NTNG1: variants seen among roughly 807,000 people sequenced by gnomAD.
NTNG1 encodes the protein netrin-G1.
A neutral mutation model predicts 54.0 loss-of-function variants in NTNG1; 16 were observed. That is an observed-to-expected ratio of 0.30 (90% confidence interval 0.20 to 0.45). The LOEUF (loss-of-function observed/expected upper bound fraction) is 0.45, where lower values mean the gene tolerates loss of function less well. NTNG1 is among the 20% of genes least tolerant of loss of function. NTNG1 has a pLI of 1.00. For synonymous variants in NTNG1, 255 were observed against 263.1 expected (o/e 0.97, Z 0.30); for missense variants, 530 against 678.7 (o/e 0.78, Z 2.43).
At chr1:107,246,247 G>A (rs1662189562) in intron 2 of NTNG1, among the ~76,000 whole-genome samples, 2 of 152,074 alleles carry the variant, frequency 1.3e-5, no homozygotes, top group South Asian at 4.1e-4. Context: ...TAGAGACGGG[G>A]TTTCACCGTG....
intron 2 of NTNG1, among the ~76,000 whole-genome samples, chr1:107,170,326 T>C: frequency 6.6e-6 from 1 of 152,176 alleles, no homozygotes; most frequent in Admixed American, 6.6e-5. Flanking sequence ...TCTTTTTTTC[T>C]TGGGCCACAT....
At chr1:107,453,803 C>G (rs1187189950) in intron 7 of NTNG1, among the ~76,000 whole-genome samples, 2 of 152,148 alleles carry the variant, frequency 1.3e-5, no homozygotes, top group African/African-American at 2.4e-5. Context: ...ACATTTCACA[C>G]ATGTTACTTT....
intron 2 of NTNG1, among the ~76,000 whole-genome samples, chr1:107,310,714 G>T (rs1251514192): frequency 1.3e-5 from 2 of 152,036 alleles, no homozygotes; most frequent in South Asian, 2.1e-4. Context: ...AAAATCTTGG[G>T]GGGGAAAGAA....
chr1:107,174,960 G>C, intron 2 of NTNG1, among the ~76,000 whole-genome samples: 1 of 152,116 alleles, frequency 6.6e-6, no homozygotes, highest in South Asian at 2.1e-4. Context: ...CATGGTTTTC[G>C]TAATGTAAGT....
intron 2 of NTNG1, among the ~76,000 whole-genome samples, chr1:107,301,587 C>T (rs1666321444): frequency 6.6e-6 from 1 of 152,102 alleles, no homozygotes; most frequent in Admixed American, 6.6e-5. Context: ...CATTATAAAG[C>T]ATATCCTAAT....
intron 7 of NTNG1, among the ~76,000 whole-genome samples, chr1:107,463,264 A>G (rs970139459): frequency 2.0e-5 from 3 of 152,226 alleles, no homozygotes; most frequent in African/African-American, 7.2e-5. Context: ...TAAAGGTTGG[A>G]AATCACTGAA....
At chr1:107,467,669 A>C (rs1677695186) in intron 7 of NTNG1, among the ~76,000 whole-genome samples, 1 of 152,218 alleles carries the variant, frequency 6.6e-6, no homozygotes, top group South Asian at 2.1e-4. Flanking sequence ...TGTCTCAGGA[A>C]TTTGTAAGTG....
intron 3 of NTNG1, among the ~76,000 whole-genome samples, chr1:107,389,579 A>G (rs956958731): frequency 1.3e-4 from 20 of 152,176 alleles, no homozygotes; most frequent in Non-Finnish European, 2.6e-4. Context: ...GAAAGCGAGA[A>G]CACACTGGTG....
intron 7 of NTNG1, among the ~76,000 whole-genome samples, chr1:107,476,105 C>T (rs1321093470): frequency 1.3e-5 from 2 of 152,222 alleles, no homozygotes; most frequent in African/African-American, 4.8e-5. Flanking sequence ...CCCTTACTGT[C>T]ACACTTTTCC....
intron 5 of NTNG1, among the ~76,000 whole-genome samples, chr1:107,411,237 T>G (rs1183377943): frequency 2.6e-5 from 4 of 152,068 alleles, no homozygotes; most frequent in Admixed American, 2.6e-4. Context: ...TTAAGGGAAA[T>G]AGCTAATTGT....
At chr1:107,479,132 A>G (rs1678528342) in intron 7 of NTNG1, among the ~76,000 whole-genome samples, 1 of 152,212 alleles carries the variant, frequency 6.6e-6, no homozygotes, top group South Asian at 2.1e-4. Context: ...ATGCCAATAC[A>G]CTACGCAACC....
At chr1:107,355,051 A>G (rs1385627181) in intron 3 of NTNG1, among the ~76,000 whole-genome samples, 2 of 151,960 alleles carry the variant, frequency 1.3e-5, no homozygotes, top group Non-Finnish European at 2.9e-5. Context: ...TTATCATTGA[A>G]TTTTTCATTT....
chr1:107,265,682 A>T (rs1377435162), intron 2 of NTNG1, among the ~76,000 whole-genome samples: 1 of 152,232 alleles, frequency 6.6e-6, no homozygotes, highest in East Asian at 1.9e-4. Context: ...CAGTATAAGA[A>T]ATTGAAATTA....
chr1:107,180,150 T>C (rs1204746805), intron 2 of NTNG1, among the ~76,000 whole-genome samples: 2 of 152,186 alleles, frequency 1.3e-5, no homozygotes, highest in African/African-American at 4.8e-5. Flanking sequence ...TGCTTCTTTT[T>C]GCAAAGCCCA....
At chr1:107,141,611 A>T (rs1011930915) in intron 1 of NTNG1, among the ~76,000 whole-genome samples, 2 of 151,976 alleles carry the variant, frequency 1.3e-5, no homozygotes, top group African/African-American at 4.8e-5. Context: ...GGAACTTTGT[A>T]AAGCGCCCCG....
intron 2 of NTNG1, among the ~76,000 whole-genome samples, chr1:107,264,201 C>A (rs1663576854): frequency 6.6e-6 from 1 of 152,048 alleles, no homozygotes; most frequent in African/African-American, 2.4e-5. Flanking sequence ...TAGCCACACC[C>A]CCTCCCCTCA....
At chr1:107,199,163 A>G (rs559565693) in intron 2 of NTNG1, among the ~76,000 whole-genome samples, 1 of 151,972 alleles carries the variant, frequency 6.6e-6, no homozygotes, top group African/African-American at 2.4e-5. Flanking sequence ...TCTTAATAAT[A>G]CCATATATTC....
chr1:107,178,589 G>A (rs1014049024), intron 2 of NTNG1, among the ~76,000 whole-genome samples: 1 of 151,934 alleles, frequency 6.6e-6, no homozygotes, highest in Admixed American at 6.6e-5. Flanking sequence ...AAAGTGTATG[G>A]GCAGTCAACT....
chr1:107,258,182 G>A (rs775185350), intron 2 of NTNG1, among the ~76,000 whole-genome samples: 27 of 151,042 alleles, frequency 1.8e-4, no homozygotes, highest in Non-Finnish European at 3.7e-4. Context: ...GCTCTTACTC[G>A]GATTATTTTT....
Sources: gnomAD v4.1 joint callset for allele counts (sites outside exome capture counted in the v4.1 genomes callset) on GRCh38, gnomAD v4.1.1 for gene constraint, MANE v1.5 for transcripts, NCBI Gene and HGNC (gene_info 2026-07-23, HGNC 2026-07-21) for gene names.